Variants in CUX1 observed in about 807,000 individuals in gnomAD.
The protein encoded by CUX1 is cut like homeobox 1.
In CUX1, 31 loss-of-function variants were observed where a neutral mutation model predicts 158.8. The observed-to-expected ratio is 0.20, with a 90% CI of 0.15 to 0.26. The LOEUF is 0.26. Ranked by LOEUF, CUX1 falls within the 10% of genes least tolerant of loss-of-function variation. The pLI is 1.00. For missense variants in CUX1, 1,589 were observed against 2,014.6 expected (o/e 0.79, Z 4.04); for synonymous variants, 879 against 862.1 (o/e 1.02, Z -0.34).
intron 3 of CUX1, among the ~76,000 whole-genome samples, chr7:102,032,670 CTAAA>C (rs36138259): frequency 0.6 from 89,486 of 149,774 alleles, 27,842 homozygotes; most frequent in East Asian, 0.98. Context: ...GAGACTCCGT[CTAAA>C]TAAATAAATA....
At position 102,257,670 on chromosome 7, in the gene CUX1, C is replaced by T. The variant is rs571406419; in HGVS notation, c.*8628C>T. 19 of 985,358 alleles carry T rather than the reference C, an allele frequency of 1.9e-5. No homozygotes were observed. In the Admixed American group the frequency reaches 9.2e-4, roughly 48 times the overall value. 61.0% of individuals were successfully genotyped at this position (985,358 alleles called of 1,614,324 possible). A position where few individuals can be genotyped will look rare whatever the true frequency, so the allele number is the denominator to read the frequency against. ...AGCACAAGACGCACTCACAGGGTGGCGGAATCTTCCGGAAAACTCTCTATA... is the reference window on the plus strand; with the variant it reads ...AGCACAAGACGCACTCACAGGGTGGTGGAATCTTCCGGAAAACTCTCTATA... On this transcript the variant is annotated 3_prime_UTR_variant, in exon 24 of 24. Transcript: ENST00000292535.
chr7:102,149,666 G>T (rs1207409029), intron 8 of CUX1, among the ~76,000 whole-genome samples: 1 of 152,176 alleles, frequency 6.6e-6, no homozygotes, highest in Non-Finnish European at 1.5e-5. Flanking sequence ...GAGTAATCTT[G>T]CCCTGGCTCG....
At position 101,880,095 on chromosome 7, in the gene CUX1, GT is replaced by G. The variant is rs534908244; in HGVS notation, c.31-36013del. Among the ~76,000 whole-genome samples the G allele has an allele frequency of 5.0e-3, 754 of 151,724 alleles. 3 individuals carry two copies. The highest frequency in any genetic ancestry group is 0.017 in the African/African-American group (720 of 41,374). ...AGGCTGATTTTTTTTTAAAAAGGCTGTTTTTTTAAAAACAACTAAAGGCACA... is the reference window on the plus strand; with the variant it reads ...AGGCTGATTTTTTTTTAAAAAGGCTGTTTTTTAAAAACAACTAAAGGCACA... On this transcript the variant is annotated intron_variant, in intron 1 of 23. Coordinates refer to ENST00000292535, the MANE Select transcript of CUX1 (RefSeq NM_181552.4).
chr7:101,890,078 G>C (rs1800707212), intron 1 of CUX1, among the ~76,000 whole-genome samples: 1 of 152,234 alleles, frequency 6.6e-6, no homozygotes, highest in South Asian at 2.1e-4. Flanking sequence ...GCCAGTGGCA[G>C]GGACTGGCTG....
At chr7:102,227,284 G>T (rs139719470) in intron 20 of CUX1, 83 bp from the exon 21 acceptor site, 1 of 1,222,210 alleles carries the variant, frequency 8.2e-7, no homozygotes, top group Non-Finnish European at 1.2e-6. Context: ...CGTTTAATTA[G>T]TATTTCCTAG....
intron 1 of CUX1, among the ~76,000 whole-genome samples, chr7:101,888,150 A>T (rs1458678460): frequency 2.6e-5 from 4 of 152,106 alleles, no homozygotes; most frequent in African/African-American, 9.7e-5. Flanking sequence ...CCCTGCCAAC[A>T]TGGCGAAACC....
intron 15 of CUX1, among the ~76,000 whole-genome samples, chr7:102,273,654 A>AAT (rs1791394584): frequency 1.3e-5 from 2 of 152,214 alleles, no homozygotes; most frequent in African/African-American, 4.8e-5. Flanking sequence ...TTACTCCATG[A>AAT]ATACCACCCT....
In CUX1 at chr7:102,248,524, G is replaced by T; in HGVS notation, c.4000G>T (p.Glu1334Ter). The change falls in exon 24 of 24, where the codon GAG becomes TAG. Residue 1334 changes from glutamate to a stop codon, truncating the protein, a stop_gained. Coordinates refer to ENST00000292535, the MANE Select transcript of CUX1 (RefSeq NM_181552.4). LOFTEE classifies it low-confidence loss of function (END_TRUNC). This position sits in a 1 kb window ranked among gnomAD's most constrained non-coding sequence, Gnocchi z 5.8. Reference protein sequence around the residue: ...ARSGRAAPSSEGDSCDGVEAT... With the variant: ...ARSGRAAPSS The stretch of plus-strand genomic sequence containing the variant: ...CAGCGGCCGGGCGGCGCCCAGCTCG[G>T]AGGGCGACAGCTGCGACGGCGTGGA... The T allele has an allele frequency of 1.3e-6, 2 of 1,531,582 alleles. No individual in the cohort carries two copies. 94.9% of individuals were successfully genotyped at this position (1,531,582 alleles called of 1,614,324 possible).
chr7:101,916,464 G>T lies in CUX1; in HGVS notation c.141+239G>T, dbSNP rs1461455158. On this transcript the variant is annotated intron_variant, in intron 2 of 23. Coordinates refer to ENST00000292535, the MANE Select transcript of CUX1 (RefSeq NM_181552.4). The surrounding 1 kb of genome is among the most constrained non-coding windows in gnomAD (Gnocchi z 4.4). ...ATATGAAAGTCAGAGCCAATTCCAG[G>T]TGCAGATACTGGACAAGCTTGGTCT... The T allele has an allele frequency of 1.2e-5, 5 of 410,186 alleles. No individual in the cohort carries two copies. Among genetic ancestry groups the T allele is most frequent in the Non-Finnish European group, 2.3e-5 (5 of 214,824 alleles). 25.4% of individuals were successfully genotyped at this position (410,186 alleles called of 1,614,324 possible).
At chr7:101,834,613 C>T (rs774467340) in intron 1 of CUX1, among the ~76,000 whole-genome samples, 10 of 152,120 alleles carry the variant, frequency 6.6e-5, no homozygotes, top group Non-Finnish European at 1.2e-4. Flanking sequence ...CTAAACGTGC[C>T]GCTTGTTGCC....
At chr7:101,888,900 C>T (rs1562967766) in intron 1 of CUX1, among the ~76,000 whole-genome samples, 1 of 151,914 alleles carries the variant, frequency 6.6e-6, no homozygotes, top group African/African-American at 2.4e-5. Context: ...AAGAGATGGT[C>T]ATTAAAGTTG....
At chr7:102,100,476 G>A (rs1829657279) in intron 5 of CUX1, among the ~76,000 whole-genome samples, 1 of 152,180 alleles carries the variant, frequency 6.6e-6, no homozygotes, top group Non-Finnish European at 1.5e-5. Flanking sequence ...GCACTCAATA[G>A]TACCTGCTAC....
intron 3 of CUX1, among the ~76,000 whole-genome samples, chr7:102,059,460 C>T (rs113605241): frequency 0.15 from 22,165 of 151,632 alleles, 1,692 homozygotes; most frequent in Middle Eastern, 0.22. Flanking sequence ...GTGGTGAAAC[C>T]CCATCTACTA....
chr7:102,003,903 G>A (rs78754017), intron 2 of CUX1, among the ~76,000 whole-genome samples: 5,720 of 152,258 alleles, frequency 0.038, 382 homozygotes, highest in African/African-American at 0.13. Flanking sequence ...CACTTTGGGA[G>A]ACTAAGGTGG....
At chr7:102,205,055 G>A in intron 19 of CUX1, 59 bp from the exon 20 acceptor site, 2 of 1,232,102 alleles carry the variant, frequency 1.6e-6, no homozygotes, top group South Asian at 2.4e-5. Flanking sequence ...CATTCAGTTA[G>A]GAAGCTTTAA....
At chr7:101,900,403 G>A (rs1027629236) in intron 1 of CUX1, among the ~76,000 whole-genome samples, 1 of 152,246 alleles carries the variant, frequency 6.6e-6, no homozygotes, top group Admixed American at 6.5e-5. Flanking sequence ...GGGCCATCTG[G>A]CTGGCAGCAG....
chr7:102,160,559 G>T (rs972191188), intron 9 of CUX1, among the ~76,000 whole-genome samples: 1 of 152,288 alleles, frequency 6.6e-6, no homozygotes, highest in East Asian at 1.9e-4. Flanking sequence ...CACGGGTTCA[G>T]TTCCTAACTC....
In CUX1 at chr7:102,258,037, G is replaced by C. The variant is rs1015451408; in HGVS notation, c.*8995G>C. On this transcript the variant is annotated 3_prime_UTR_variant, in exon 24 of 24. Coordinates refer to ENST00000292535, the MANE Select transcript of CUX1 (RefSeq NM_181552.4). ...AAGTTGACCTGGCTGGCGTGGGGGTGGGGGAGGCACCCGTCGGCCCCTTGG... is the reference window on the plus strand; with the variant it reads ...AAGTTGACCTGGCTGGCGTGGGGGTCGGGGAGGCACCCGTCGGCCCCTTGG... 2.3e-5 allele frequency: 23 copies of C among 984,968 alleles called. No homozygotes were observed. In the South Asian group the frequency reaches 9.9e-4, roughly 42 times the overall value. 61.0% of individuals were successfully genotyped at this position (984,968 alleles called of 1,614,324 possible). A position where few individuals can be genotyped will look rare whatever the true frequency, so the allele number is the denominator to read the frequency against.
At chr7:102,168,168 A>G (rs1180792995) in intron 9 of CUX1, among the ~76,000 whole-genome samples, 1 of 151,722 alleles carries the variant, frequency 6.6e-6, no homozygotes, top group Non-Finnish European at 1.5e-5. Context: ...TCACCTTGCC[A>G]CCTTCCTGAT....
Sources: gnomAD v4.1 joint callset for allele counts (sites outside exome capture counted in the v4.1 genomes callset) on GRCh38, gnomAD v4.1.1 for gene constraint, Gnocchi (gnomAD v3.1) non-coding constraint, MANE v1.5 for transcripts, NCBI Gene and HGNC (gene_info 2026-07-23, HGNC 2026-07-21) for gene names.